PTPN4: variants seen among roughly 807,000 people sequenced by gnomAD.
PTPN4 encodes the protein tyrosine-protein phosphatase non-receptor type 4.
A neutral mutation model predicts 135.5 loss-of-function variants in PTPN4; 49 were observed. The observed-to-expected ratio is 0.36, with a 90% CI of 0.29 to 0.46. The LOEUF (loss-of-function observed/expected upper bound fraction) is 0.46, where lower values mean the gene tolerates loss of function less well. PTPN4 is among the 20% of genes least tolerant of loss of function. The pLI, the probability that PTPN4 is intolerant of heterozygous loss-of-function variation, is 1.00. For missense variants in PTPN4, 860 were observed against 1,101.0 expected, an observed-to-expected ratio of 0.78 and a Z score of 3.10; for synonymous variants, 333 against 369.9, an observed-to-expected ratio of 0.90 and a Z score of 1.14.
intron 1 of PTPN4, among the ~76,000 whole-genome samples, chr2:119,784,627 T>C (rs539774358): frequency 6.6e-6 from 1 of 151,886 alleles, no homozygotes; most frequent in East Asian, 1.9e-4. Context: ...GACCTTGTGA[T>C]CTGCCCGCCT....
rs1678095417 is a variant in PTPN4, at chr2:119,882,500, T to C, written c.467-3T>C. 6.6e-7 allele frequency: 1 copy of C among 1,512,006 alleles called. No individual in the cohort carries two copies. The highest frequency in any genetic ancestry group is 8.9e-7 in the Non-Finnish European group (1 of 1,126,238). 93.7% of individuals were successfully genotyped at this position (1,512,006 alleles called of 1,614,324 possible). A position where few individuals can be genotyped will look rare whatever the true frequency, so the allele number is the denominator to read the frequency against. ...AATGTGAATGTTTTCCTTTCATTATTAGCTGAACTTGGAGACTACGATCAG... is the reference window on the plus strand; with the variant it reads ...AATGTGAATGTTTTCCTTTCATTATCAGCTGAACTTGGAGACTACGATCAG... On this transcript the variant is annotated splice_region_variant and splice_polypyrimidine_tract_variant and intron_variant, in intron 7 of 26. Transcript: ENST00000263708.
At chr2:119,935,663 G>A (rs1438833697) in intron 15 of PTPN4, among the ~76,000 whole-genome samples, 1 of 152,032 alleles carries the variant, frequency 6.6e-6, no homozygotes, top group Non-Finnish European at 1.5e-5. Flanking sequence ...ATACCTGTGG[G>A]GAATTAGTTG....
chr2:119,918,172 A>G (rs181782414), intron 11 of PTPN4, among the ~76,000 whole-genome samples: 1 of 152,362 alleles, frequency 6.6e-6, no homozygotes, highest in East Asian at 1.9e-4. Flanking sequence ...GCAATCAAGA[A>G]GTGATGTTTT....
intron 2 of PTPN4, among the ~76,000 whole-genome samples, chr2:119,834,660 A>G (rs1677264961): frequency 6.6e-6 from 1 of 152,096 alleles, no homozygotes; most frequent in South Asian, 2.1e-4. Flanking sequence ...GAAGCAAAGT[A>G]TTGCATAGTG....
intron 2 of PTPN4, among the ~76,000 whole-genome samples, chr2:119,851,287 A>G (rs1387428432): frequency 2.0e-5 from 3 of 152,182 alleles, no homozygotes; most frequent in Non-Finnish European, 4.4e-5. Flanking sequence ...CCTCCTTATA[A>G]GAAAGAATTC....
chr2:119,905,161 G>A (rs936407791), intron 10 of PTPN4, among the ~76,000 whole-genome samples: 7 of 152,084 alleles, frequency 4.6e-5, no homozygotes, highest in African/African-American at 1.7e-4. Flanking sequence ...AACATTGAAT[G>A]TATATGGTTT....
At position 119,982,568 on chromosome 2, in the gene PTPN4, T is replaced by G. The variant is rs1679711479; in HGVS notation, c.*5498T>G. On this transcript the variant is annotated 3_prime_UTR_variant, in exon 27 of 27. Coordinates refer to ENST00000263708, the MANE Select transcript of PTPN4 (RefSeq NM_002830.4). ...GCTTTGCCTCTAGAATAGAAACTTT[T>G]CAGAAAATTTGCACATACTGTTTGT... is the stretch of plus-strand genomic sequence containing the variant. 6.6e-6 allele frequency: 1 copy of G among 152,230 alleles called. No individual in the cohort carries two copies. The highest frequency in any genetic ancestry group is 2.1e-4 in the South Asian group (1 of 4,832). The allele number at this position is 152,230 out of a possible 1,614,324, so 9.4% of individuals were successfully genotyped here.
At chr2:119,824,539 C>T (rs939646747) in intron 2 of PTPN4, among the ~76,000 whole-genome samples, 36 of 152,088 alleles carry the variant, frequency 2.4e-4, no homozygotes, top group African/African-American at 8.2e-4. Context: ...GCATTGAAGT[C>T]TTCAAGTATA....
At chr2:119,804,120 T>G (rs145743289) in intron 1 of PTPN4, among the ~76,000 whole-genome samples, 52 of 152,198 alleles carry the variant, frequency 3.4e-4, no homozygotes, top group African/African-American at 1.3e-3. Flanking sequence ...CACTGTCATT[T>G]TAGTTTCTTA....
intron 26 of PTPN4, among the ~76,000 whole-genome samples, chr2:119,972,452 G>A (rs942264984): frequency 1.1e-4 from 17 of 152,032 alleles, no homozygotes; most frequent in African/African-American, 4.1e-4. Flanking sequence ...GTGAGAGAGT[G>A]AATTTCTTAG....
At chr2:119,863,582 T>C (rs186887756) in intron 3 of PTPN4, among the ~76,000 whole-genome samples, 1 of 152,242 alleles carries the variant, frequency 6.6e-6, no homozygotes, top group Non-Finnish European at 1.5e-5. Flanking sequence ...TTTCTTCCTC[T>C]CTCTCATGGT....
At chr2:119,880,310 A>C (rs1006466434) in intron 5 of PTPN4, among the ~76,000 whole-genome samples, 1 of 152,210 alleles carries the variant, frequency 6.6e-6, no homozygotes, top group Non-Finnish European at 1.5e-5. Flanking sequence ...TATGTAAGTA[A>C]AATTTGGCAA....
chr2:119,936,599 C>G (rs558041515), intron 15 of PTPN4, among the ~76,000 whole-genome samples: 1 of 152,270 alleles, frequency 6.6e-6, no homozygotes, highest in African/African-American at 2.4e-5. Flanking sequence ...TTCCTGAGGC[C>G]TCCCCAGCCA....
intron 12 of PTPN4, among the ~76,000 whole-genome samples, chr2:119,924,007 G>T (rs969635683): frequency 2.6e-5 from 4 of 151,726 alleles, no homozygotes; most frequent in African/African-American, 9.7e-5. Context: ...CGTAGTGGTG[G>T]GCACCTGTAG....
chr2:119,767,924 T>G (rs142147048), intron 1 of PTPN4, among the ~76,000 whole-genome samples: 1 of 152,324 alleles, frequency 6.6e-6, no homozygotes, highest in East Asian at 1.9e-4. Context: ...AATTCTTATG[T>G]GAGAAGATAT....
chr2:119,789,797 A>G (rs1691110399), intron 1 of PTPN4, among the ~76,000 whole-genome samples: 1 of 151,784 alleles, frequency 6.6e-6, no homozygotes, highest in South Asian at 2.1e-4. Context: ...ATCTCGGCTC[A>G]GTGCAACCTC....
At chr2:119,929,971 T>C (rs572106263) in intron 13 of PTPN4, among the ~76,000 whole-genome samples, 1 of 152,316 alleles carries the variant, frequency 6.6e-6, no homozygotes, top group South Asian at 2.1e-4. Flanking sequence ...AATAATAGTT[T>C]ATTACATTAT....
chr2:119,882,624 G>GT lies in PTPN4; in HGVS notation c.587+2dup. Reference sequence around the variant, plus strand: ...TTGCAAAATTACATCAGCAACACATGTAAGAGTTTTTTAGTTTTTTATTTG... The same window carrying GT: ...TTGCAAAATTACATCAGCAACACATGTTAAGAGTTTTTTAGTTTTTTATTTG... On this transcript the variant is annotated splice_donor_variant, in intron 8 of 26. Transcript: ENST00000263708. LOFTEE classifies it high-confidence loss of function. 6.6e-7 allele frequency: 1 copy of GT among 1,512,608 alleles called. No individual in the cohort carries two copies. Among genetic ancestry groups the GT allele is most frequent in the Non-Finnish European group, 8.9e-7 (1 of 1,117,634 alleles). The allele number at this position is 1,512,608 out of a possible 1,614,324, so 93.7% of individuals were successfully genotyped here. A position where few individuals can be genotyped will look rare whatever the true frequency, so the allele number is the denominator to read the frequency against.
At chr2:119,777,190 G>T (rs1247555194) in intron 1 of PTPN4, among the ~76,000 whole-genome samples, 2 of 152,044 alleles carry the variant, frequency 1.3e-5, no homozygotes, top group Non-Finnish European at 2.9e-5. Flanking sequence ...CCTACTTCAG[G>T]TCTTCATGTT....
Sources: gnomAD v4.1 joint callset for allele counts (sites outside exome capture counted in the v4.1 genomes callset) on GRCh38, gnomAD v4.1.1 for gene constraint, MANE v1.5 for transcripts, NCBI Gene and HGNC (gene_info 2026-07-23, HGNC 2026-07-21) for gene names.